HDLBP: variants seen among roughly 807,000 people sequenced by gnomAD.
HDLBP encodes vigilin.
Under a neutral mutation model 137.3 loss-of-function variants are expected in HDLBP, and 30 were observed. The ratio of observed to expected loss-of-function variants is 0.22; its 90% CI spans 0.16 to 0.30. The LOEUF is 0.30. HDLBP is among the 10% of genes least tolerant of loss of function. The pLI, the probability that HDLBP is intolerant of heterozygous loss-of-function variation, is 1.00. For synonymous variants in HDLBP, 606 were observed against 596.0 expected, an observed-to-expected ratio of 1.02 and a Z score of -0.24; for missense variants, 1,119 against 1,667.3, an observed-to-expected ratio of 0.67 and a Z score of 5.73.
At chr2:241,277,611 G>T (rs2074437037) in intron 1 of HDLBP, among the ~76,000 whole-genome samples, 1 of 152,214 alleles carries the variant, frequency 6.6e-6, no homozygotes, top group South Asian at 2.1e-4. Context: ...CCCAAACTGA[G>T]TTAGAAATAT....
rs1436981122 is a variant in HDLBP at position 241,238,476 on chromosome 2, G to C, written c.2749+173C>G. On this transcript the variant is annotated intron_variant, in intron 20 of 27. Coordinates refer to ENST00000310931, the MANE Select transcript of HDLBP (RefSeq NM_005336.6). This position sits in a 1 kb window ranked among gnomAD's most constrained non-coding sequence, Gnocchi z 4.9. ...TGGTCACTCTGTCAGTAACTGACGT[G>C]GTCCATCTTTTAAAGGCCAGGGAGT... The C allele has an allele frequency of 4.1e-6, 2 of 489,742 alleles. No individual in the cohort carries two copies. Among genetic ancestry groups the C allele is most frequent in the Non-Finnish European group, 7.1e-6 (2 of 281,004 alleles). The allele number at this position is 489,742 out of a possible 1,614,324, so 30.3% of individuals were successfully genotyped here.
In HDLBP at chr2:241,239,316, T is replaced by A. The variant is rs756331080; in HGVS notation, c.2610+286A>T. On this transcript the variant is annotated intron_variant, in intron 19 of 27. Coordinates refer to ENST00000310931, the MANE Select transcript of HDLBP (RefSeq NM_005336.6). The surrounding 1 kb of genome is among the most constrained non-coding windows in gnomAD (Gnocchi z 4.6). ...ATCCCTTATACAGAATGCATTTTCT[T>A]TCTTTCTCTTGCTTTCTTTCCTCTC... Among the ~76,000 whole-genome samples the A allele has an allele frequency of 6.6e-6, 1 of 152,090 alleles. No homozygotes were observed. The highest frequency in any genetic ancestry group is 1.5e-5 in the Non-Finnish European group (1 of 68,002).
At chr2:241,302,090 A>G (rs1416067587) in intron 1 of HDLBP, among the ~76,000 whole-genome samples, 2 of 82,206 alleles carry the variant, frequency 2.4e-5, no homozygotes, top group Admixed American at 2.2e-4. Context: ...CATCTCTACA[A>G]AAAAAAAAAA....
Position 241,264,487 on chromosome 2 carries a change from C to T in HDLBP, c.195G>A (p.Gly65=), listed in dbSNP as rs1203295068. ...AAGCCTTGATGGGTCGGATCTTGTT[C>T]CCCCAGGCTCCAGCGGGTTCCTGGG... ...ESAQEPAGAW[G]NKIRPIKASV... is the part of the protein sequence containing the mutation. Residue 65 remains glycine, a synonymous_variant, in exon 4 of 28, where the codon GGG becomes GGA. Coordinates refer to ENST00000310931, the MANE Select transcript of HDLBP (RefSeq NM_005336.6). The T allele has an allele frequency of 1.2e-6, 2 of 1,612,770 alleles. No homozygotes were observed. Among genetic ancestry groups the T allele is most frequent in the Admixed American group, 1.7e-5 (1 of 59,974 alleles).
At chr2:241,280,800 T>TA (rs2074566902) in intron 1 of HDLBP, among the ~76,000 whole-genome samples, 1 of 152,200 alleles carries the variant, frequency 6.6e-6, no homozygotes, top group Non-Finnish European at 1.5e-5. Context: ...TGCAAGTTGT[T>TA]AAAAAGATCA....
At chr2:241,253,691 A>G (rs2072387310) in intron 9 of HDLBP, among the ~76,000 whole-genome samples, 194 bp from the exon 10 acceptor site, 5 of 152,284 alleles carry the variant, frequency 3.3e-5, no homozygotes, top group African/African-American at 1.2e-4. Context: ...TCAGGAAACT[A>G]AATACTGTGG....
Position 241,239,424 on chromosome 2 carries a change from A to G in HDLBP, c.2610+178T>C, listed in dbSNP as rs1220402285. Among the ~76,000 whole-genome samples, 1 of 150,656 alleles carries G rather than the reference A, an allele frequency of 6.6e-6. No individual in the cohort carries two copies. The highest frequency in any genetic ancestry group is 1.5e-5 in the Non-Finnish European group (1 of 67,830). The stretch of plus-strand genomic sequence containing the variant: ...GCAGGCAGAATTCTCACCAACTATC[A>G]GGAAGGAGGCCAGACAGGCTGAGGA... On this transcript the variant is annotated intron_variant, in intron 19 of 27. Coordinates refer to ENST00000310931, the MANE Select transcript of HDLBP (RefSeq NM_005336.6). The surrounding 1 kb of genome is among the most constrained non-coding windows in gnomAD (Gnocchi z 4.6).
rs762579009 is a variant in HDLBP, at chr2:241,255,026, C to T, written c.1188+25G>A. 3.3e-6 allele frequency: 5 copies of T among 1,498,086 alleles called. No homozygotes were observed. In the African/African-American group the frequency reaches 6.9e-5, roughly 21 times the overall value. The allele number at this position is 1,498,086 out of a possible 1,614,324, so 92.8% of individuals were successfully genotyped here. A position where few individuals can be genotyped will look rare whatever the true frequency, so the allele number is the denominator to read the frequency against. ...GACAGAAAACAAGACAAATTCAATACAACAGGTGAAAAACGTGTCCTTACC... is the reference window on the plus strand; with the variant it reads ...GACAGAAAACAAGACAAATTCAATATAACAGGTGAAAAACGTGTCCTTACC... On this transcript the variant is annotated intron_variant, in intron 9 of 27. Transcript: ENST00000310931.
rs748005977 is a variant in HDLBP at position 241,235,559 on chromosome 2, G to C, written c.2940C>G (p.Pro980=). The change falls in exon 22 of 28, where the codon CCC becomes CCG. Residue 980 remains proline (P), a synonymous_variant. Transcript: ENST00000310931. ...LVPVTIEVEV[P]FDLHRYVIGQ... is the part of the protein sequence containing the mutation. ...CAATAACGTAACGGTGAAGGTCAAA[G>C]GGCACCTCTACTTCAATGGTGACAG... is the stretch of plus-strand genomic sequence containing the variant. 62 of 1,613,962 alleles carry C rather than the reference G, an allele frequency of 3.8e-5. No homozygotes were observed. Among genetic ancestry groups the C allele is most frequent in the Non-Finnish European group, 5.1e-5 (60 of 1,179,978 alleles).
chr2:241,294,969 G>A (rs1051477058), intron 1 of HDLBP, among the ~76,000 whole-genome samples: 9 of 152,072 alleles, frequency 5.9e-5, no homozygotes, highest in African/African-American at 2.2e-4. Flanking sequence ...AGGCATGGTG[G>A]TGGGTGCCTG....
intron 16 of HDLBP, among the ~76,000 whole-genome samples, chr2:241,245,477 C>G (rs1183455145): frequency 6.6e-6 from 1 of 152,132 alleles, no homozygotes; most frequent in African/African-American, 2.4e-5. Flanking sequence ...ATTTAAAAAG[C>G]AAGCTGCCAA....
Position 241,240,174 on chromosome 2 carries a change from A to C in HDLBP, c.2170-52T>G, listed in dbSNP as rs774693215. The C allele has an allele frequency of 6.4e-7, 1 of 1,558,790 alleles. No individual in the cohort carries two copies. The highest frequency in any genetic ancestry group is 1.7e-5 in the Admixed American group (1 of 59,982). Reference sequence around the variant, plus strand: ...GCCTGACACCACGTGCCTGGACCACAGTGAGGAAGACAAGAGGGTCTGTAG... The same window carrying C: ...GCCTGACACCACGTGCCTGGACCACCGTGAGGAAGACAAGAGGGTCTGTAG... On this transcript the variant is annotated intron_variant, in intron 17 of 27. Transcript: ENST00000310931. This position sits in a 1 kb window ranked among gnomAD's most constrained non-coding sequence, Gnocchi z 5.5.
Position 241,248,870 on chromosome 2 carries a change from G to A in HDLBP, c.1513-522C>T, listed in dbSNP as rs151144413. 3.7e-4 allele frequency among the ~76,000 whole-genome samples: 56 copies of A among 152,242 alleles called. No individual in the cohort carries two copies. In the East Asian group the frequency reaches 7.5e-3, roughly 20 times the overall value. ...ACTCCTCCACAGGCCCCATTAAAAT[G>A]TCAGAAGAAATACAGAATAAGCAGA... is the stretch of plus-strand genomic sequence containing the variant. On this transcript the variant is annotated intron_variant, in intron 12 of 27. Transcript: ENST00000310931.
chr2:241,266,788 T>C lies in HDLBP; in HGVS notation c.76+6A>G. On this transcript the variant is annotated splice_donor_region_variant and intron_variant, in intron 3 of 27. Coordinates refer to ENST00000310931, the MANE Select transcript of HDLBP (RefSeq NM_005336.6). Reference sequence around the variant, plus strand: ...TACCAGGAAGAGCACATAAAAGGGCTGTCACCTTTGATTTGTTGCGGAACC... The same window carrying C: ...TACCAGGAAGAGCACATAAAAGGGCCGTCACCTTTGATTTGTTGCGGAACC... The C allele has an allele frequency of 6.4e-7, 1 of 1,573,070 alleles. No homozygotes were observed. The highest frequency in any genetic ancestry group is 8.8e-7 in the Non-Finnish European group (1 of 1,142,472).
intron 5 of HDLBP, among the ~76,000 whole-genome samples, chr2:241,259,185 T>C (rs1387956075): frequency 6.6e-6 from 1 of 151,794 alleles, no homozygotes; most frequent in African/African-American, 2.4e-5. Flanking sequence ...CTCCAAAAAA[T>C]AATAAAAGAA....
intron 5 of HDLBP, among the ~76,000 whole-genome samples, chr2:241,259,379 G>A (rs529081304): frequency 5.9e-5 from 9 of 152,316 alleles, no homozygotes; most frequent in East Asian, 1.9e-4. Flanking sequence ...CGTTGACTTT[G>A]CAAGCATGTA....
intron 10 of HDLBP, 53 bp from the exon 11 acceptor site, chr2:241,253,088 G>C (rs370149486): frequency 1.5e-6 from 2 of 1,364,872 alleles, no homozygotes; most frequent in Non-Finnish European, 2.1e-6. Flanking sequence ...TGGCCAATGA[G>C]CTGAACCAAA....
At chr2:241,246,413 T>C (rs1018863283) in intron 16 of HDLBP, among the ~76,000 whole-genome samples, 1 of 152,192 alleles carries the variant, frequency 6.6e-6, no homozygotes, top group East Asian at 1.9e-4. Flanking sequence ...CATTGTACAC[T>C]GTAAATATGT....
At chr2:241,269,460 C>T (rs534917507) in intron 1 of HDLBP, 1 of 152,280 alleles carries the variant, frequency 6.6e-6, no homozygotes, top group African/African-American at 2.4e-5. Flanking sequence ...AAGGGTCTCG[C>T]CTTTCCAGCA....
Sources: gnomAD v4.1 joint callset for allele counts (sites outside exome capture counted in the v4.1 genomes callset) on GRCh38, gnomAD v4.1.1 for gene constraint, Gnocchi (gnomAD v3.1) non-coding constraint, MANE v1.5 for transcripts, NCBI Gene and HGNC (gene_info 2026-07-23, HGNC 2026-07-21) for gene names.